Variants in RGS7 observed in about 807,000 individuals in gnomAD.
RGS7 encodes the protein regulator of G protein signaling 7, also known as regulator of G-protein signaling 7.
RGS7 carries 27 observed loss-of-function variants against 81.1 expected under a neutral mutation model. That is an observed-to-expected ratio of 0.33 (90% CI 0.25 to 0.46). The LOEUF (loss-of-function observed/expected upper bound fraction) is 0.46, where lower values mean the gene tolerates loss of function less well. RGS7 is among the 20% of genes least tolerant of loss of function. The pLI is 1.00. For missense variants in RGS7, 396 were observed against 607.4 expected, an observed-to-expected ratio of 0.65 and a Z score of 3.66; for synonymous variants, 208 against 207.7, an observed-to-expected ratio of 1.00 and a Z score of -0.01.
intron 2 of RGS7, among the ~76,000 whole-genome samples, chr1:241,320,592 C>T (rs1192638343): frequency 3.9e-5 from 6 of 152,168 alleles, no homozygotes; most frequent in Admixed American, 3.3e-4. Context: ...ATGTTATCTA[C>T]ATAAATTCAA....
intron 3 of RGS7, among the ~76,000 whole-genome samples, chr1:241,045,757 T>C (rs2060892336): frequency 6.6e-6 from 1 of 152,176 alleles, no homozygotes; most frequent in Admixed American, 6.5e-5. Context: ...AACTCCTCCT[T>C]GTTTTCCTGT....
rs954234289 is a variant in RGS7, at chr1:240,908,196, C to T, written c.385+22521G>A. On this transcript the variant is annotated intron_variant, in intron 6 of 18. Transcript: ENST00000440928. ...AGGAACATCACACACCGGGGCCTGT[C>T]GTGGGGTGGGGGGAGGGGGGAGGGA... Among the ~76,000 whole-genome samples, 10 of 82,584 alleles carry T rather than the reference C, an allele frequency of 1.2e-4. No homozygotes were observed. The East Asian group carries it at 2.5e-3, about 20-fold the overall frequency. 54.2% of individuals were successfully genotyped at this position (82,584 alleles called of 152,430 possible).
chr1:241,259,307 TATG>T (rs905922561), intron 2 of RGS7, among the ~76,000 whole-genome samples: 4 of 151,976 alleles, frequency 2.6e-5, no homozygotes, highest in African/African-American at 7.2e-5. Flanking sequence ...CATATAAAGG[TATG>T]ATAAGTATAA....
chr1:240,813,506 T>C (rs528221905), intron 13 of RGS7, 112 bp downstream of exon 13: 3 of 728,792 alleles, frequency 4.1e-6, no homozygotes, highest in African/African-American at 3.5e-5. Context: ...TAGGCCAATG[T>C]AGATAAAGAA....
intron 3 of RGS7, among the ~76,000 whole-genome samples, chr1:241,050,889 T>G (rs913478792): frequency 6.6e-6 from 1 of 152,198 alleles, no homozygotes; most frequent in African/African-American, 2.4e-5. Flanking sequence ...AATCAAATGT[T>G]TATATGATTG....
At chr1:240,927,651 C>T (rs74870990) in intron 6 of RGS7, among the ~76,000 whole-genome samples, 4 of 152,116 alleles carry the variant, frequency 2.6e-5, no homozygotes, top group African/African-American at 2.4e-5. Flanking sequence ...GGTACAGACA[C>T]GTATGGTGTC....
intron 2 of RGS7, among the ~76,000 whole-genome samples, chr1:241,353,905 G>T (rs1464410032): frequency 2.6e-5 from 4 of 152,100 alleles, no homozygotes; most frequent in African/African-American, 9.7e-5. Context: ...TGAAAGCCCT[G>T]TCTTCTTATT....
chr1:241,095,839 C>CATTCT (rs1325480965), intron 3 of RGS7, among the ~76,000 whole-genome samples: 2 of 152,182 alleles, frequency 1.3e-5, no homozygotes, highest in East Asian at 3.9e-4. Context: ...TAACTATAGT[C>CATTCT]ATTCTACGGT....
chr1:240,894,581 T>G (rs36050964), intron 6 of RGS7, among the ~76,000 whole-genome samples: 1 of 151,922 alleles, frequency 6.6e-6, no homozygotes, highest in Non-Finnish European at 1.5e-5. Context: ...TGTATAATAT[T>G]TGTATTATTA....
chr1:240,868,758 C>T lies in RGS7; in HGVS notation c.527+18G>A, dbSNP rs372531869. 26 of 1,613,676 alleles carry T rather than the reference C, an allele frequency of 1.6e-5. No homozygotes were observed. Among genetic ancestry groups the T allele is most frequent in the African/African-American group, 2.7e-5 (2 of 74,880 alleles). The stretch of plus-strand genomic sequence containing the variant: ...CCACAACTGGAACAAATCTTCCAAA[C>T]GACTCACAAGGACTCACTTTGCTTG... On this transcript the variant is annotated intron_variant, in intron 8 of 18. Transcript: ENST00000440928. The surrounding 1 kb of genome is among the most constrained non-coding windows in gnomAD (Gnocchi z 5.1).
At chr1:241,030,377 T>TATACACAC (rs71793632) in intron 3 of RGS7, among the ~76,000 whole-genome samples, 5 of 137,384 alleles carry the variant, frequency 3.6e-5, no homozygotes, top group African/African-American at 1.1e-4. Flanking sequence ...TATATATACA[T>TATACACAC]ACACACATAC....
intron 2 of RGS7, among the ~76,000 whole-genome samples, chr1:241,138,330 G>C (rs896142036): frequency 6.6e-6 from 1 of 152,086 alleles, no homozygotes; most frequent in Admixed American, 6.6e-5. Flanking sequence ...AAATTGTGGG[G>C]GGATCTTCAG....
intron 6 of RGS7, among the ~76,000 whole-genome samples, chr1:240,915,295 G>A (rs1456767164): frequency 6.6e-6 from 1 of 151,732 alleles, no homozygotes; most frequent in Non-Finnish European, 1.5e-5. Flanking sequence ...CACCTAAAGA[G>A]GAAAAACCCC....
At chr1:241,198,342 AT>A (rs757257966) in intron 2 of RGS7, among the ~76,000 whole-genome samples, 5 of 152,038 alleles carry the variant, frequency 3.3e-5, no homozygotes, top group Non-Finnish European at 7.4e-5. Flanking sequence ...ACAATAAAAA[AT>A]AAGAGTGGAA....
At chr1:241,261,500 G>A (rs1023506347) in intron 2 of RGS7, among the ~76,000 whole-genome samples, 2 of 151,836 alleles carry the variant, frequency 1.3e-5, no homozygotes, top group Non-Finnish European at 2.9e-5. Flanking sequence ...GTGGTGGCAC[G>A]TGCCTGTAGT....
chr1:240,805,628 A>T (rs952464187), intron 15 of RGS7, among the ~76,000 whole-genome samples: 2 of 152,070 alleles, frequency 1.3e-5, no homozygotes, highest in African/African-American at 4.8e-5. Context: ...AAATGTCAGA[A>T]TCTAATGTTT....
intron 6 of RGS7, among the ~76,000 whole-genome samples, chr1:240,927,061 T>G (rs1188355217): frequency 7.1e-6 from 1 of 141,228 alleles, no homozygotes; most frequent in Non-Finnish European, 1.6e-5. Flanking sequence ...GTTTTTTTTG[T>G]TTTGTTTTGT....
intron 2 of RGS7, among the ~76,000 whole-genome samples, chr1:241,278,005 A>G (rs2078286617): frequency 6.6e-6 from 1 of 152,188 alleles, no homozygotes; most frequent in Admixed American, 6.5e-5. Context: ...TTTACCATTG[A>G]AAAACTCATT....
chr1:241,030,742 C>A (rs946655400), intron 3 of RGS7, among the ~76,000 whole-genome samples: 1 of 152,118 alleles, frequency 6.6e-6, no homozygotes, highest in Admixed American at 6.6e-5. Flanking sequence ...TTCCATTCTT[C>A]CTCCTCAAGC....
Sources: allele counts gnomAD v4.1 joint callset (sites outside exome capture counted in the v4.1 genomes callset), GRCh38; gene constraint gnomAD v4.1.1; non-coding constraint Gnocchi (gnomAD v3.1); transcripts MANE v1.5; gene names NCBI Gene and HGNC (gene_info 2026-07-23, HGNC 2026-07-21).